The following CYP39A1 variants were observed in gnomAD, a reference collection of about 807,000 sequenced individuals.
CYP39A1 encodes cytochrome P450 family 39 subfamily A member 1, also known as 24-hydroxycholesterol 7-alpha-hydroxylase.
In CYP39A1, 49 loss-of-function variants were observed where a neutral mutation model predicts 58.1. That is an observed-to-expected ratio of 0.84 (90% CI 0.67 to 1.07). The LOEUF (loss-of-function observed/expected upper bound fraction) is 1.07. CYP39A1 is among the 50% of genes least tolerant of loss of function. CYP39A1 has a pLI of 0.00. For missense variants in CYP39A1, 531 were observed against 539.4 expected, an observed-to-expected ratio of 0.98 and a Z score of 0.16; for synonymous variants, 209 against 187.6, an observed-to-expected ratio of 1.11 and a Z score of -0.93.
At chr6:46,631,119 T>C (rs756635420) in intron 5 of CYP39A1, 49 bp from the exon 6 acceptor site, 1 of 1,327,546 alleles carries the variant, frequency 7.5e-7, no homozygotes, top group Non-Finnish European at 1.1e-6. Flanking sequence ...GTGACAAATA[T>C]CGATGTTAAT....
intron 7 of CYP39A1, among the ~76,000 whole-genome samples, chr6:46,602,723 T>G (rs552221412): frequency 1.7e-4 from 24 of 140,926 alleles, no homozygotes; most frequent in East Asian, 1.5e-3. Flanking sequence ...AGAACCACAG[T>G]GCTGAATTAA....
At chr6:46,631,129 T>C (rs1775635018) in intron 5 of CYP39A1, 59 bp from the exon 6 acceptor site, 2 of 1,277,030 alleles carry the variant, frequency 1.6e-6, no homozygotes, top group African/African-American at 1.5e-5. Context: ...TCGATGTTAA[T>C]AAACAAGAGA....
intron 10 of CYP39A1, among the ~76,000 whole-genome samples, chr6:46,561,995 C>T (rs1465429119): frequency 6.6e-6 from 1 of 152,000 alleles, no homozygotes; most frequent in Admixed American, 6.6e-5. Context: ...CAGTTAATAA[C>T]AATATGAAAG....
intron 6 of CYP39A1, among the ~76,000 whole-genome samples, chr6:46,628,240 A>G (rs964005769): frequency 2.0e-5 from 3 of 152,236 alleles, no homozygotes; most frequent in African/African-American, 7.2e-5. Context: ...ATTCCTGTCC[A>G]AAGTATTTTC....
At chr6:46,642,375 A>G (rs1776395997) in intron 1 of CYP39A1, 77 bp from the exon 2 acceptor site, 1 of 1,393,400 alleles carries the variant, frequency 7.2e-7, no homozygotes, top group East Asian at 2.4e-5. Context: ...CAAGAATCCT[A>G]ATGCTGAAGT....
chr6:46,621,038 A>C (rs1012783071), intron 7 of CYP39A1, among the ~76,000 whole-genome samples: 3 of 152,184 alleles, frequency 2.0e-5, no homozygotes, highest in African/African-American at 4.8e-5. Context: ...TATAAGGCAT[A>C]TAATAAGAAA....
intron 1 of CYP39A1, among the ~76,000 whole-genome samples, chr6:46,647,830 T>C (rs1762422037): frequency 6.6e-6 from 1 of 152,190 alleles, no homozygotes; most frequent in African/African-American, 2.4e-5. Context: ...GGGTTGTTTT[T>C]TTCTTGTAAA....
intron 1 of CYP39A1, among the ~76,000 whole-genome samples, chr6:46,644,694 G>A (rs549960523): frequency 2.0e-4 from 31 of 152,286 alleles, no homozygotes; most frequent in African/African-American, 7.0e-4. Context: ...GGTTGGCTGC[G>A]TGTTTGGATG....
chr6:46,630,580 C>G (rs1173006586), intron 6 of CYP39A1, among the ~76,000 whole-genome samples: 1 of 152,150 alleles, frequency 6.6e-6, no homozygotes. Context: ...CATTTACTTA[C>G]TCTTTCCAAT....
At position 46,596,170 on chromosome 6, in the gene CYP39A1, G is replaced by C. The variant is rs909895967; in HGVS notation, c.932-50C>G. 1.6e-5 allele frequency: 23 copies of C among 1,428,122 alleles called. 1 individual carries two copies. The highest frequency in any genetic ancestry group is 2.2e-5 in the Non-Finnish European group (23 of 1,039,958). The allele number at this position is 1,428,122 out of a possible 1,614,324, so 88.5% of individuals were successfully genotyped here. On this transcript the variant is annotated intron_variant, in intron 7 of 11. Coordinates refer to ENST00000275016, the MANE Select transcript of CYP39A1 (RefSeq NM_016593.5). ...ATAAATAGACTACAGAGGTCAGAAA[G>C]TGATTTCACGTAAGCTCATCAGCAG... is the stretch of plus-strand genomic sequence containing the variant.
intron 7 of CYP39A1, among the ~76,000 whole-genome samples, chr6:46,596,826 T>C (rs1438319377): frequency 6.6e-6 from 1 of 152,144 alleles, no homozygotes; most frequent in Non-Finnish European, 1.5e-5. Flanking sequence ...ATTAGACAGT[T>C]TAGTTAACAA....
chr6:46,595,076 T>C (rs1197924204), intron 8 of CYP39A1, among the ~76,000 whole-genome samples: 1 of 152,014 alleles, frequency 6.6e-6, no homozygotes, highest in Non-Finnish European at 1.5e-5. Flanking sequence ...TCAACATTAC[T>C]AATCATCAAG....
chr6:46,624,164 G>A (rs1022325569), intron 7 of CYP39A1, among the ~76,000 whole-genome samples: 20 of 152,180 alleles, frequency 1.3e-4, no homozygotes, highest in East Asian at 3.9e-4. Flanking sequence ...GACCCCCCAC[G>A]TTATCCCCAT....
At chr6:46,620,023 T>G (rs1774859817) in intron 7 of CYP39A1, among the ~76,000 whole-genome samples, 1 of 152,162 alleles carries the variant, frequency 6.6e-6, no homozygotes, top group Admixed American at 6.5e-5. Flanking sequence ...ATAAGAAATT[T>G]GGTAAAAATT....
intron 5 of CYP39A1, among the ~76,000 whole-genome samples, chr6:46,633,776 G>A (rs1443737475): frequency 6.6e-6 from 1 of 152,000 alleles, no homozygotes; most frequent in Non-Finnish European, 1.5e-5. Flanking sequence ...AGAATTGCTT[G>A]AACCTGGGAG....
At chr6:46,581,015 A>G (rs1322532069) in intron 10 of CYP39A1, among the ~76,000 whole-genome samples, 1 of 152,218 alleles carries the variant, frequency 6.6e-6, no homozygotes, top group African/African-American at 2.4e-5. Flanking sequence ...AAATGATTAT[A>G]CCAAAAATAC....
In CYP39A1 at chr6:46,553,328, T is replaced by C. The variant is rs1770511053; in HGVS notation, c.1338+439A>G. Among the ~76,000 whole-genome samples the C allele has an allele frequency of 2.0e-5, 3 of 152,194 alleles. No individual in the cohort carries two copies. In the South Asian group the frequency reaches 6.2e-4, roughly 31 times the overall value. On this transcript the variant is annotated intron_variant, in intron 11 of 11. Transcript: ENST00000275016. ...ATGACCTTTTCATTTCTGTTCACTG[T>C]TTTTACTGCTAGGTTAGTTTTTTTC...
At chr6:46,613,489 T>C (rs796228813) in intron 7 of CYP39A1, among the ~76,000 whole-genome samples, 3 of 152,358 alleles carry the variant, frequency 2.0e-5, no homozygotes, top group African/African-American at 7.2e-5. Flanking sequence ...ATAGGAATCA[T>C]TTCTATGCAG....
At chr6:46,612,014 A>G (rs1239232908) in intron 7 of CYP39A1, among the ~76,000 whole-genome samples, 1 of 152,246 alleles carries the variant, frequency 6.6e-6, no homozygotes, top group African/African-American at 2.4e-5. Flanking sequence ...AAGCAGATCA[A>G]CAGTGCTGCC....
Sources: gnomAD v4.1 joint callset for allele counts (sites outside exome capture counted in the v4.1 genomes callset) on GRCh38, gnomAD v4.1.1 for gene constraint, MANE v1.5 for transcripts, NCBI Gene and HGNC (gene_info 2026-07-23, HGNC 2026-07-21) for gene names.